KCNMA1: variants seen among roughly 807,000 people sequenced by gnomAD.
KCNMA1 encodes Calcium-activated potassium channel subunit alpha-1.
KCNMA1 carries 29 observed loss-of-function variants against 140.0 expected under a neutral mutation model. The ratio of observed to expected loss-of-function variants is 0.21; its 90% CI spans 0.15 to 0.28. The LOEUF is 0.28. Ranked by LOEUF, KCNMA1 falls within the 10% of genes least tolerant of loss-of-function variation. KCNMA1 has a pLI of 1.00. For missense variants in KCNMA1, 880 were observed against 1,602.2 expected (o/e 0.55, Z 7.70); for synonymous variants, 612 against 611.9 (o/e 1.00, Z 0.00).
downstream of KCNMA1, chr10:76,875,350 G>T (rs1209376015): frequency 6.6e-6 from 1 of 151,920 alleles, no homozygotes; most frequent in African/African-American, 2.4e-5. Flanking sequence ...TGGTTTTTTT[G>T]GGGGGGAGGT....
intron 1 of KCNMA1, among the ~76,000 whole-genome samples, chr10:77,480,883 G>T (rs751611777): frequency 1.3e-5 from 2 of 151,812 alleles, no homozygotes; most frequent in Non-Finnish European, 2.9e-5. Flanking sequence ...GCGGAGGTGG[G>T]CAGATCACCT....
intron 2 of KCNMA1, among the ~76,000 whole-genome samples, chr10:77,386,366 A>T (rs2095603300): frequency 6.6e-6 from 1 of 152,224 alleles, no homozygotes; most frequent in Non-Finnish European, 1.5e-5. Context: ...AGGGCTTTCT[A>T]TTCCAATTCC....
intron 13 of KCNMA1, among the ~76,000 whole-genome samples, chr10:77,078,407 C>G (rs948429028): frequency 6.6e-6 from 1 of 152,248 alleles, no homozygotes; most frequent in Non-Finnish European, 1.5e-5. Flanking sequence ...AGACACTGGA[C>G]TCTGGTTTAC....
intron 5 of KCNMA1, among the ~76,000 whole-genome samples, chr10:77,156,284 T>C (rs1365294483): frequency 6.6e-6 from 1 of 151,306 alleles, no homozygotes; most frequent in Non-Finnish European, 1.5e-5. Flanking sequence ...TCTACCTTCA[T>C]CTTTTCTCCT....
chr10:76,958,150 T>C (rs950352549), intron 20 of KCNMA1, among the ~76,000 whole-genome samples: 2 of 152,194 alleles, frequency 1.3e-5, no homozygotes, highest in South Asian at 2.1e-4. Flanking sequence ...GTTTGTTGTA[T>C]GGAAAGGAGG....
At chr10:77,010,267 T>C (rs546142898) in intron 18 of KCNMA1, among the ~76,000 whole-genome samples, 7 of 152,224 alleles carry the variant, frequency 4.6e-5, no homozygotes, top group South Asian at 2.1e-4. Flanking sequence ...CTGATTGAAA[T>C]GATTCAGGAG....
rs375444411 is a variant in KCNMA1, at chr10:77,400,446, C to T, written c.540+3416G>A. On this transcript the variant is annotated intron_variant, in intron 2 of 27. Coordinates refer to ENST00000286628, the MANE Select transcript of KCNMA1 (RefSeq NM_001161352.2). ...ATGTTTAACAAGCAGGCCAAGCATC[C>T]TCAGGACCAAATTGGCTAAAAGATG... Among the ~76,000 whole-genome samples the T allele has an allele frequency of 4.2e-4, 64 of 152,306 alleles. 1 individual carries two copies. In the South Asian group the frequency reaches 7.7e-3, roughly 18 times the overall value.
intron 6 of KCNMA1, among the ~76,000 whole-genome samples, chr10:77,112,857 T>G (rs1358779878): frequency 1.3e-5 from 2 of 151,906 alleles, no homozygotes; most frequent in Non-Finnish European, 2.9e-5. Flanking sequence ...TATATATATA[T>G]ATTTGCTAAA....
intron 5 of KCNMA1, among the ~76,000 whole-genome samples, chr10:77,135,201 G>A (rs117984720): frequency 2.9e-4 from 44 of 151,892 alleles, no homozygotes; most frequent in Admixed American, 7.9e-4. Context: ...TAGACATTTC[G>A]CAAAAGAAGA....
At chr10:77,174,305 C>G (rs896801811) in intron 5 of KCNMA1, among the ~76,000 whole-genome samples, 1 of 152,070 alleles carries the variant, frequency 6.6e-6, no homozygotes, top group Non-Finnish European at 1.5e-5. Flanking sequence ...GAATTTTTAC[C>G]ATTGGTCCAT....
intron 1 of KCNMA1, among the ~76,000 whole-genome samples, chr10:77,481,583 G>GTGA (rs1398465269): frequency 1.3e-5 from 2 of 151,994 alleles, no homozygotes; most frequent in Admixed American, 6.5e-5. Context: ...GACCATCCTG[G>GTGA]TGAACACAGT....
At chr10:77,179,824 G>T in intron 5 of KCNMA1, among the ~76,000 whole-genome samples, 1 of 152,184 alleles carries the variant, frequency 6.6e-6, no homozygotes, top group East Asian at 1.9e-4. Context: ...TTTGCTCTGA[G>T]GATTAAGTGA....
At chr10:77,268,759 G>A (rs932904657) in intron 2 of KCNMA1, among the ~76,000 whole-genome samples, 3 of 152,142 alleles carry the variant, frequency 2.0e-5, no homozygotes, top group Non-Finnish European at 2.9e-5. Context: ...GGAGCCCATC[G>A]CTTATGGCTA....
At chr10:77,612,179 C>T (rs959869029) in intron 1 of KCNMA1, among the ~76,000 whole-genome samples, 1 of 152,142 alleles carries the variant, frequency 6.6e-6, no homozygotes, top group African/African-American at 2.4e-5. Flanking sequence ...CTGCAAATCC[C>T]AAAGATAATG....
At chr10:77,091,642 C>T (rs1425398056) in intron 9 of KCNMA1, 1 of 152,252 alleles carries the variant, frequency 6.6e-6, no homozygotes, top group Non-Finnish European at 1.5e-5. Flanking sequence ...TCTAGCTGCG[C>T]TCTGAGACTT....
chr10:77,161,226 T>A (rs1462536185), intron 5 of KCNMA1, among the ~76,000 whole-genome samples: 1 of 152,170 alleles, frequency 6.6e-6, no homozygotes, highest in Non-Finnish European at 1.5e-5. Context: ...GGATTCTTCA[T>A]ATGGACTCAC....
rs76768050 is a variant in KCNMA1, at chr10:77,106,310, G to A, written c.1223+2171C>T. On this transcript the variant is annotated intron_variant, in intron 9 of 27. Transcript: ENST00000286628. ...GAGAGAAAACCAGGCTAAAAGCGGT[G>A]ATAAAAGATTACAGAGCCAGAACAG... Among the ~76,000 whole-genome samples the A allele has an allele frequency of 2.6e-5, 4 of 152,278 alleles. No homozygotes were observed. In the East Asian group the frequency reaches 7.7e-4, roughly 29 times the overall value.
chr10:77,601,755 T>G (rs1217472693), intron 1 of KCNMA1, among the ~76,000 whole-genome samples: 1 of 152,138 alleles, frequency 6.6e-6, no homozygotes, highest in East Asian at 1.9e-4. Context: ...TATTTGTCAG[T>G]GACTCAACCA....
At chr10:77,265,485 G>A (rs2154271750) in intron 2 of KCNMA1, among the ~76,000 whole-genome samples, 1 of 152,170 alleles carries the variant, frequency 6.6e-6, no homozygotes, top group African/African-American at 2.4e-5. Flanking sequence ...CTTTTTCTTT[G>A]AACATGGGTA....
Sources: allele counts gnomAD v4.1 joint callset (sites outside exome capture counted in the v4.1 genomes callset), GRCh38; gene constraint gnomAD v4.1.1; transcripts MANE v1.5; gene names NCBI Gene and HGNC (gene_info 2026-07-23, HGNC 2026-07-21).